The following RTCA variants were observed in gnomAD, a reference collection of about 807,000 sequenced individuals.
RTCA encodes the protein RNA terminal phosphate cyclase domain 1.
RTCA carries 37 observed loss-of-function variants against 46.1 expected under a neutral mutation model. The ratio of observed to expected loss-of-function variants is 0.80; its 90% CI spans 0.62 to 1.06. The LOEUF (loss-of-function observed/expected upper bound fraction) is 1.06. Ranked by LOEUF, RTCA falls within the 50% of genes least tolerant of loss-of-function variation. The pLI, the probability that RTCA is intolerant of heterozygous loss-of-function variation, is 0.00. For synonymous variants in RTCA, 164 were observed against 158.3 expected (o/e 1.04, Z -0.27); for missense variants, 435 against 455.5 (o/e 0.95, Z 0.41).
At chr1:100,290,284 G>A (rs752777798) in intron 10 of RTCA, among the ~76,000 whole-genome samples, 1 of 151,386 alleles carries the variant, frequency 6.6e-6, no homozygotes, top group African/African-American at 2.4e-5. Context: ...TTTTTAAGAC[G>A]TTGATGGGAG....
rs760460011 is a variant in RTCA, at chr1:100,285,339, G to T, written c.894+17G>T. On this transcript the variant is annotated intron_variant, in intron 9 of 10. Coordinates refer to ENST00000370128, the MANE Select transcript of RTCA (RefSeq NM_003729.4). Reference sequence around the variant, plus strand: ...CAAGACCAGGTAATGACACATTTAGGTTAAAAACCCTCTAACCTGTTAGAT... The same window carrying T: ...CAAGACCAGGTAATGACACATTTAGTTTAAAAACCCTCTAACCTGTTAGAT... 5 of 1,561,826 alleles carry T rather than the reference G, an allele frequency of 3.2e-6. No individual in the cohort carries two copies. The highest frequency in any genetic ancestry group is 3.5e-6 in the Non-Finnish European group (4 of 1,133,168).
At position 100,270,608 on chromosome 1, in the gene RTCA, T is replaced by C. The variant is rs1666031716; in HGVS notation, c.342T>C (p.Ala114=). ...CAATGCCGTGTGTTCTCTTTGCTGC[T>C]TCTCCATCAGAACTTCATTTGAAAG... ...QVSMPCVLFA[A]SPSELHLKGG... The change falls in exon 4 of 11, where the codon GCT becomes GCC. Residue 114 remains alanine, a synonymous_variant. Coordinates refer to ENST00000370128, the MANE Select transcript of RTCA (RefSeq NM_003729.4). The C allele has an allele frequency of 1.2e-6, 2 of 1,614,170 alleles. No homozygotes were observed. The highest frequency in any genetic ancestry group is 2.7e-5 in the African/African-American group (2 of 75,058).
intron 5 of RTCA, among the ~76,000 whole-genome samples, chr1:100,273,728 C>G (rs1462358290): frequency 6.6e-6 from 1 of 152,178 alleles, no homozygotes; most frequent in African/African-American, 2.4e-5. Context: ...CATGCCCCAG[C>G]ACAGCTTAAG....
At chr1:100,285,132 C>A (rs1236841175) in intron 8 of RTCA, 96 bp from the exon 9 acceptor site, 3 of 875,748 alleles carry the variant, frequency 3.4e-6, no homozygotes, top group African/African-American at 3.4e-5. Context: ...AAATTGTATA[C>A]CAGTGCTAAT....
At position 100,287,167 on chromosome 1, in the gene RTCA, G is replaced by A. The variant is rs1241632837; in HGVS notation, c.963G>A (p.Thr321=). The A allele has an allele frequency of 3.1e-6, 5 of 1,589,726 alleles. No individual in the cohort carries two copies. The highest frequency in any genetic ancestry group is 1.2e-5 in the South Asian group (1 of 86,736). Residue 321 remains threonine (T), a synonymous_variant, in exon 10 of 11, where the codon ACG becomes ACA. Coordinates refer to ENST00000370128, the MANE Select transcript of RTCA (RefSeq NM_003729.4). Reference sequence around the variant, plus strand: ...AAACAGGACCAGTTACACTCCATACGCAAACCGCGATACATTTTGCTGAAC... The same window carrying A: ...AAACAGGACCAGTTACACTCCATACACAAACCGCGATACATTTTGCTGAAC... ...RIKTGPVTLH[T]QTAIHFAEQI... is the part of the protein sequence containing the mutation.
intron 4 of RTCA, among the ~76,000 whole-genome samples, chr1:100,272,893 C>A (rs994152218): frequency 6.6e-6 from 1 of 151,918 alleles, no homozygotes; most frequent in Non-Finnish European, 1.5e-5. Context: ...CTTGGAGAAC[C>A]GTTAAGTCAA....
chr1:100,285,598 T>A (rs1430570153), intron 9 of RTCA, among the ~76,000 whole-genome samples: 1 of 152,142 alleles, frequency 6.6e-6, no homozygotes, highest in Non-Finnish European at 1.5e-5. Context: ...TCACTGGCCA[T>A]ACATTCTAGT....
intron 8 of RTCA, among the ~76,000 whole-genome samples, chr1:100,278,705 A>T (rs1666533193): frequency 6.6e-6 from 1 of 152,248 alleles, no homozygotes; most frequent in East Asian, 1.9e-4. Flanking sequence ...CAGTTTGCTC[A>T]GTTGGTAAAT....
At chr1:100,266,723 A>G (rs1292772686) in intron 2 of RTCA, 99 bp downstream of exon 2, 2 of 1,011,780 alleles carry the variant, frequency 2.0e-6, no homozygotes, top group East Asian at 5.3e-5. Context: ...TGGAACCCAG[A>G]AGGTCCCAGA....
chr1:100,277,805 G>T (rs189549292), intron 8 of RTCA, among the ~76,000 whole-genome samples: 3 of 151,120 alleles, frequency 2.0e-5, no homozygotes, highest in East Asian at 3.9e-4. Flanking sequence ...TTTTTTTTGG[G>T]GGGGGGCACA....
At chr1:100,287,912 G>C (rs545189176) in intron 10 of RTCA, among the ~76,000 whole-genome samples, 47 of 151,574 alleles carry the variant, frequency 3.1e-4, no homozygotes, top group Admixed American at 2.8e-3. Flanking sequence ...TCCTGCCTTA[G>C]CCTCCCAAGT....
At chr1:100,288,263 T>G (rs1041765645) in intron 10 of RTCA, among the ~76,000 whole-genome samples, 2 of 152,226 alleles carry the variant, frequency 1.3e-5, no homozygotes, top group African/African-American at 4.8e-5. Flanking sequence ...TTTGCATTTT[T>G]TGCAGTTAAT....
chr1:100,286,454 C>CAAAAAAA (rs754851046), intron 9 of RTCA, among the ~76,000 whole-genome samples: 42 of 45,214 alleles, frequency 9.3e-4, no homozygotes, highest in African/African-American at 3.2e-3. Context: ...GACTCCGTCT[C>CAAAAAAA]AAAAAAAAAA....
intron 10 of RTCA, among the ~76,000 whole-genome samples, chr1:100,289,185 A>G (rs1667216428): frequency 6.6e-6 from 1 of 151,832 alleles, no homozygotes; most frequent in African/African-American, 2.4e-5. Context: ...CTAGATTACA[A>G]TGGCAGTATC....
At chr1:100,267,941 A>T in intron 2 of RTCA, 1 of 596,758 alleles carries the variant, frequency 1.7e-6, no homozygotes, top group Non-Finnish European at 2.9e-6. Flanking sequence ...GTCAGAAATA[A>T]CTGGTCTGCA....
chr1:100,285,728 T>G (rs969302340), intron 9 of RTCA, among the ~76,000 whole-genome samples: 3 of 152,176 alleles, frequency 2.0e-5, no homozygotes, highest in African/African-American at 4.8e-5. Context: ...CAAGTGATCC[T>G]CCTGCTTCAG....
At chr1:100,283,901 A>C (rs1348634103) in intron 8 of RTCA, among the ~76,000 whole-genome samples, 1 of 136,026 alleles carries the variant, frequency 7.4e-6, no homozygotes, top group African/African-American at 2.6e-5. Context: ...CAGTCCAGGC[A>C]ACGTAGTGAG....
chr1:100,291,264 A>G (rs1043541975), intron 10 of RTCA, 139 bp from the exon 11 acceptor site: 13 of 570,270 alleles, frequency 2.3e-5, no homozygotes, highest in East Asian at 1.2e-4. Context: ...CTTTCTCATC[A>G]ATCATTTGAT....
At position 100,273,403 on chromosome 1, in the gene RTCA, C is replaced by G; in HGVS notation, c.424C>G (p.Pro142Ala). 1 of 1,579,700 alleles carries G rather than the reference C, an allele frequency of 6.3e-7. No homozygotes were observed. The highest frequency in any genetic ancestry group is 1.2e-5 in the South Asian group (1 of 85,728). ...QIDYTVMVFK[P>A]IVEKFGFIFN... ...AAACTGATTTTTTCAGGTCTTCAAG[C>G]CAATTGTTGAAAAATTTGGTTTCAT... Residue 142 changes from proline (P) to alanine (A), a missense_variant, in exon 5 of 11, where the codon CCA becomes GCA. Pro to Ala is a conservative substitution (Grantham distance 27, BLOSUM62 -1). Coordinates refer to ENST00000370128, the MANE Select transcript of RTCA (RefSeq NM_003729.4).
Sources: allele counts gnomAD v4.1 joint callset (sites outside exome capture counted in the v4.1 genomes callset), GRCh38; gene constraint gnomAD v4.1.1; transcripts MANE v1.5; gene names NCBI Gene and HGNC (gene_info 2026-07-23, HGNC 2026-07-21).